CEP97: variants seen among roughly 807,000 people sequenced by gnomAD.
The protein encoded by CEP97 is centrosomal protein 97, also known as centrosomal protein of 97 kDa.
CEP97 carries 43 observed loss-of-function variants against 73.1 expected under a neutral mutation model. The observed-to-expected ratio is 0.59, with a 90% CI of 0.46 to 0.76. The LOEUF is 0.76. CEP97 is among the 30% of genes least tolerant of loss of function. The pLI is 0.00. For missense variants in CEP97, 939 were observed against 1,014.0 expected, an observed-to-expected ratio of 0.93 and a Z score of 1.00; for synonymous variants, 337 against 370.0, an observed-to-expected ratio of 0.91 and a Z score of 1.02.
chr3:101,759,044 T>G (rs1939100858), intron 9 of CEP97: 1 of 152,666 alleles, frequency 6.6e-6, no homozygotes, highest in Admixed American at 6.5e-5. Flanking sequence ...CAGGAGCAAG[T>G]GTTTCAGGAG....
chr3:101,757,904 A>G lies in CEP97; in HGVS notation c.1298A>G (p.Asp433Gly), dbSNP rs756080504. The G allele has an allele frequency of 6.2e-7, 1 of 1,614,240 alleles. No homozygotes were observed. The highest frequency in any genetic ancestry group is 8.5e-7 in the Non-Finnish European group (1 of 1,180,038). ...LQGINLGLEDDGVADESVKGL... is the reference protein window; with the variant it reads ...LQGINLGLEDGGVADESVKGL... ...GGCATTAACTTGGGCCTAGAAGATG[A>G]TGGTGTTGCAGATGAATCTGTGAAA... The change falls in exon 9 of 11, where the codon GAT becomes GGT. Residue 433 changes from aspartate to glycine, a missense_variant. Asp to Gly is a moderately conservative substitution (Grantham distance 94). Coordinates refer to ENST00000341893, the MANE Select transcript of CEP97 (RefSeq NM_024548.4).
At chr3:101,757,612 G>T in intron 8 of CEP97, 22 bp from the exon 9 acceptor site, 2 of 1,592,270 alleles carry the variant, frequency 1.3e-6, no homozygotes, top group South Asian at 2.2e-5. Flanking sequence ...TGGTTTAAAT[G>T]ATACTCTGTT....
chr3:101,762,521 A>T lies in CEP97; in HGVS notation c.1854A>T (p.Lys618Asn), dbSNP rs1363414868. 23 of 1,611,450 alleles carry T rather than the reference A, an allele frequency of 1.4e-5. No homozygotes were observed. The highest frequency in any genetic ancestry group is 1.8e-5 in the Non-Finnish European group (21 of 1,178,694). Residue 618 changes from lysine to asparagine, a missense_variant, in exon 10 of 11, where the codon AAA (lysine) becomes AAT (asparagine). By Grantham distance (94) the Lys-to-Asn change is moderately conservative. Transcript: ENST00000341893. ...AAAGAGATGAAGAACGTATTAAAAA[A>T]TTTGTACAAGAAGAAGCTTTCAGAT... ...RKERDEERIK[K>N]FVQEEAFRFL...
intron 6 of CEP97, among the ~76,000 whole-genome samples, chr3:101,754,886 T>A (rs1938960098): frequency 6.7e-6 from 1 of 150,036 alleles, no homozygotes; most frequent in African/African-American, 2.5e-5. Flanking sequence ...TTTGTTCAGA[T>A]TCAGGTTTGA....
chr3:101,755,426 C>G lies in CEP97; in HGVS notation c.729-4C>G, dbSNP rs1297327193. On this transcript the variant is annotated splice_polypyrimidine_tract_variant and splice_region_variant and intron_variant, in intron 6 of 10. Transcript: ENST00000341893. ...CTCCTCTTTTTTATGTTCCCCAATTCCAGTTTGAAAGCTGAATGGCTCTAT... is the reference window on the plus strand; with the variant it reads ...CTCCTCTTTTTTATGTTCCCCAATTGCAGTTTGAAAGCTGAATGGCTCTAT... 1 of 1,613,428 alleles carries G rather than the reference C, an allele frequency of 6.2e-7. No homozygotes were observed. Among genetic ancestry groups the G allele is most frequent in the Admixed American group, 1.7e-5 (1 of 59,968 alleles).
intron 1 of CEP97, among the ~76,000 whole-genome samples, chr3:101,725,678 CAT>C (rs1234365368): frequency 6.6e-6 from 1 of 152,142 alleles, no homozygotes; most frequent in African/African-American, 2.4e-5. Context: ...AGCAATCTGG[CAT>C]AATTATTTCC....
Position 101,724,700 on chromosome 3 carries a change from G to T in CEP97, c.24G>T (p.Ala8=), listed in dbSNP as rs1460315052. Reference sequence around the variant, plus strand: ...ATATGGCGGTGGCGCGCGTGGACGCGGCTTTGCCTCCCGGAGAAGGTAAGG... The same window carrying T: ...ATATGGCGGTGGCGCGCGTGGACGCTGCTTTGCCTCCCGGAGAAGGTAAGG... MAVARVD[A]ALPPGEGSVV... Residue 8 remains alanine (A), a synonymous_variant, in exon 1 of 11, where the codon GCG becomes GCT. Coordinates refer to ENST00000341893, the MANE Select transcript of CEP97 (RefSeq NM_024548.4). 6.2e-7 allele frequency: 1 copy of T among 1,614,068 alleles called. No individual in the cohort carries two copies. The highest frequency in any genetic ancestry group is 8.5e-7 in the Non-Finnish European group (1 of 1,180,032).
rs1939413805 is a variant in CEP97 at position 101,769,760 on chromosome 3, G to C, written c.*4209G>C. 1.3e-5 allele frequency: 2 copies of C among 152,144 alleles called. No homozygotes were observed. Among genetic ancestry groups the C allele is most frequent in the Admixed American group, 1.3e-4 (2 of 15,278 alleles). The allele number at this position is 152,144 out of a possible 1,614,324, so 9.4% of individuals were successfully genotyped here. ...TTAAATATATGATACCCTCATTCAT[G>C]AAGTGAAGCAGAAAGGGTCTGTAAG... is the stretch of plus-strand genomic sequence containing the variant. On this transcript the variant is annotated 3_prime_UTR_variant, in exon 11 of 11. Coordinates refer to ENST00000341893, the MANE Select transcript of CEP97 (RefSeq NM_024548.4).
intron 1 of CEP97, among the ~76,000 whole-genome samples, chr3:101,725,178 C>T (rs572606935): frequency 6.6e-6 from 1 of 152,328 alleles, no homozygotes; most frequent in South Asian, 2.1e-4. Context: ...AACCCTTCCT[C>T]GGAGGTGGCC....
rs1939036361 is a variant in CEP97 at position 101,757,304 on chromosome 3, AACTT to A, written c.1027+109_1027+112del. 9 of 1,217,934 alleles carry A rather than the reference AACTT, an allele frequency of 7.4e-6. No individual in the cohort carries two copies. In the South Asian group the frequency reaches 1.1e-4, roughly 15 times the overall value. 75.4% of individuals were successfully genotyped at this position (1,217,934 alleles called of 1,614,324 possible). A position where few individuals can be genotyped will look rare whatever the true frequency, so the allele number is the denominator to read the frequency against. Reference sequence around the variant, plus strand: ...TTTCATAATTTTTTGTTAGTTTACTAACTTCAGTAATCATTTAGATCTTATACAT... The same window carrying A: ...TTTCATAATTTTTTGTTAGTTTACTACAGTAATCATTTAGATCTTATACAT... On this transcript the variant is annotated intron_variant, in intron 8 of 10. Coordinates refer to ENST00000341893, the MANE Select transcript of CEP97 (RefSeq NM_024548.4).
chr3:101,755,050 C>T (rs1014731135), intron 6 of CEP97, among the ~76,000 whole-genome samples: 28 of 151,922 alleles, frequency 1.8e-4, no homozygotes, highest in Non-Finnish European at 1.3e-4. Flanking sequence ...CCACCATGCC[C>T]GGCTAGTTTT....
chr3:101,753,631 C>T (rs1453251348), intron 6 of CEP97, among the ~76,000 whole-genome samples: 3 of 152,234 alleles, frequency 2.0e-5, no homozygotes, highest in African/African-American at 7.2e-5. Flanking sequence ...CCCAGCCTTG[C>T]TGCTGCCTTG....
chr3:101,748,387 T>A (rs1458593105), intron 6 of CEP97, among the ~76,000 whole-genome samples: 1 of 152,264 alleles, frequency 6.6e-6, no homozygotes, highest in East Asian at 1.9e-4. Context: ...CTGTGGGATA[T>A]TCAAACTTGA....
Position 101,766,954 on chromosome 3 carries a change from A to G in CEP97, c.*1403A>G, listed in dbSNP as rs1255717341. 1.3e-5 allele frequency: 2 copies of G among 152,144 alleles called. No individual in the cohort carries two copies. The highest frequency in any genetic ancestry group is 3.8e-4 in the East Asian group (2 of 5,198). 9.4% of individuals were successfully genotyped at this position (152,144 alleles called of 1,614,324 possible). On this transcript the variant is annotated 3_prime_UTR_variant, in exon 11 of 11. Coordinates refer to ENST00000341893, the MANE Select transcript of CEP97 (RefSeq NM_024548.4). ...GTGGCATTTGTTGTTATTGTTTTTT[A>G]AAGAGATGGAGGCTGGCTCTGTTGG...
chr3:101,768,429 T>C lies in CEP97; in HGVS notation c.*2878T>C, dbSNP rs1939371395. ...AAGAGAGCTACAACTCTATCACTCA[T>C]GACAGAGTTGCTTGTAGAAAATAAC... On this transcript the variant is annotated 3_prime_UTR_variant, in exon 11 of 11. Coordinates refer to ENST00000341893, the MANE Select transcript of CEP97 (RefSeq NM_024548.4). 1.3e-5 allele frequency: 2 copies of C among 152,230 alleles called. No homozygotes were observed. Among genetic ancestry groups the C allele is most frequent in the East Asian group, 3.8e-4 (2 of 5,202 alleles). 9.4% of individuals were successfully genotyped at this position (152,230 alleles called of 1,614,324 possible).
chr3:101,724,983 C>A (rs549591031), intron 1 of CEP97, among the ~76,000 whole-genome samples: 33 of 152,318 alleles, frequency 2.2e-4, no homozygotes, highest in African/African-American at 7.7e-4. Flanking sequence ...CCCGCGCTCC[C>A]GATGCTGAGG....
intron 4 of CEP97, among the ~76,000 whole-genome samples, chr3:101,730,398 T>A (rs1393030636): frequency 6.6e-6 from 1 of 152,042 alleles, no homozygotes; most frequent in African/African-American, 2.4e-5. Flanking sequence ...CCTGAGTAGC[T>A]GGGACTACAG....
At chr3:101,741,403 C>T (rs1042676473) in intron 6 of CEP97, among the ~76,000 whole-genome samples, 2 of 152,066 alleles carry the variant, frequency 1.3e-5, no homozygotes, top group Non-Finnish European at 2.9e-5. Flanking sequence ...CAACAAAAGC[C>T]AAAATTGACA....
chr3:101,761,524 G>C (rs1253311668), intron 9 of CEP97, among the ~76,000 whole-genome samples: 2 of 152,050 alleles, frequency 1.3e-5, no homozygotes, highest in Non-Finnish European at 2.9e-5. Context: ...AACGAATTTT[G>C]GGAAATTTAG....
Sources: allele counts gnomAD v4.1 joint callset (sites outside exome capture counted in the v4.1 genomes callset), GRCh38; gene constraint gnomAD v4.1.1; transcripts MANE v1.5; gene names NCBI Gene and HGNC (gene_info 2026-07-23, HGNC 2026-07-21).